The following ZNF18 variants were observed in gnomAD, a reference collection of about 807,000 sequenced individuals.
The protein encoded by ZNF18 is zinc finger protein 18.
In ZNF18, 42 loss-of-function variants were observed where a neutral mutation model predicts 58.1. The ratio of observed to expected loss-of-function variants is 0.72; its 90% CI spans 0.56 to 0.93. The LOEUF (loss-of-function observed/expected upper bound fraction) is 0.93. Ranked by LOEUF, ZNF18 falls within the 40% of genes least tolerant of loss-of-function variation. ZNF18 has a pLI of 0.00. For synonymous variants in ZNF18, 231 were observed against 239.8 expected (o/e 0.96, Z 0.34); for missense variants, 540 against 644.2 (o/e 0.84, Z 1.75).
chr17:11,992,493 C>T lies in ZNF18; in HGVS notation c.337G>A (p.Val113Met), dbSNP rs761910327. Residue 113 changes from valine to methionine, a missense_variant, in exon 2 of 7, where the codon GTG (valine) becomes ATG (methionine). Transcript: ENST00000580306. ...CCCTTCAAGCTTTCCACAAGGGTCACTGCCTCTTCTCCACTTCCTGGACAC... is the reference window on the plus strand; with the variant it reads ...CCCTTCAAGCTTTCCACAAGGGTCATTGCCTCTTCTCCACTTCCTGGACAC... ...KQCPGSGEEAVTLVESLKGDP... is the reference protein window; with the variant it reads ...KQCPGSGEEAMTLVESLKGDP... The T allele has an allele frequency of 6.2e-7, 1 of 1,614,238 alleles. No homozygotes were observed. Among genetic ancestry groups the T allele is most frequent in the Non-Finnish European group, 8.5e-7 (1 of 1,180,040 alleles).
At chr17:12,014,941 G>A in the ZNF18 span, among the ~76,000 whole-genome samples, 1 of 151,964 alleles carries the variant, frequency 6.6e-6, no homozygotes, top group South Asian at 2.1e-4. Context: ...CCAGCTACTC[G>A]GGAGGCTGAT....
chr17:11,983,170 A>G, intron 6 of ZNF18, 127 bp downstream of exon 6: 2 of 649,202 alleles, frequency 3.1e-6, no homozygotes, highest in African/African-American at 1.8e-5. Context: ...CAATCAGATC[A>G]TGGCTAGTTA....
chr17:12,005,738 T>C, the ZNF18 span, among the ~76,000 whole-genome samples: 2 of 152,192 alleles, frequency 1.3e-5, no homozygotes, highest in African/African-American at 4.8e-5. Flanking sequence ...CTTTATTCAA[T>C]AAATAAGATA....
In ZNF18 at chr17:11,992,456, C is replaced by T; in HGVS notation, c.374G>A (p.Arg125Lys). ...CCCTCTGCTTACCCATTGCCACAGT[C>T]TCTGGGGGTCCCCCTTCAAGCTTTC... ...LVESLKGDPQ[R>K]LWQWISIQVL... Residue 125 changes from arginine (R) to lysine (K), a missense_variant, in exon 2 of 7, where the codon AGA becomes AAA. Physicochemically the swap from Arg to Lys is conservative, Grantham distance 26 (BLOSUM62 2). Transcript: ENST00000580306. 6.2e-7 allele frequency: 1 copy of T among 1,613,968 alleles called. No homozygotes were observed. The highest frequency in any genetic ancestry group is 8.5e-7 in the Non-Finnish European group (1 of 1,179,894).
chr17:12,019,309 T>C, the ZNF18 span, among the ~76,000 whole-genome samples: 1 of 149,466 alleles, frequency 6.7e-6, no homozygotes, highest in Non-Finnish European at 1.5e-5. Context: ...TGTGTGTGTG[T>C]GTGTGTGTGT....
chr17:12,020,997 G>T, the ZNF18 span: 2 of 1,210,048 alleles, frequency 1.7e-6, no homozygotes, highest in Non-Finnish European at 2.1e-6. Context: ...TCAGCAGCAT[G>T]CAGGGTAAGG....
chr17:12,004,451 A>G, the ZNF18 span, among the ~76,000 whole-genome samples: 10 of 152,356 alleles, frequency 6.6e-5, no homozygotes, highest in Admixed American at 6.5e-4. Context: ...ATGCAGGCAC[A>G]TGTAAACAGC....
At chr17:12,016,309 T>A in the ZNF18 span, among the ~76,000 whole-genome samples, 2 of 152,226 alleles carry the variant, frequency 1.3e-5, no homozygotes, top group Middle Eastern at 3.4e-3. Context: ...TGTTTATTTC[T>A]TTTTATTATT....
intron 4 of ZNF18, among the ~76,000 whole-genome samples, chr17:11,986,440 A>G (rs1967746807): frequency 1.3e-5 from 2 of 152,234 alleles, no homozygotes; most frequent in African/African-American, 4.8e-5. Context: ...GTGCTAAGCC[A>G]AACACACAAA....
upstream of ZNF18, among the ~76,000 whole-genome samples, chr17:12,001,697 T>C (rs1179469704): frequency 1.3e-5 from 2 of 152,038 alleles, no homozygotes; most frequent in African/African-American, 4.8e-5. Context: ...AGATCTTAAA[T>C]GTTCTCACCA....
upstream of ZNF18, chr17:11,998,514 TACCTGTCATTATCATAACATGTCCTG>T (rs1567612253): frequency 7.3e-5 from 11 of 151,482 alleles, no homozygotes; most frequent in East Asian, 2.2e-3. Flanking sequence ...ACATGTCCTG[TACCTGTCATTATCATAACATGTCCTG>T]TACCTGTCAT....
chr17:11,986,548 AT>A (rs1403687001), intron 4 of ZNF18, among the ~76,000 whole-genome samples: 2 of 152,238 alleles, frequency 1.3e-5, no homozygotes, highest in African/African-American at 4.8e-5. Flanking sequence ...CTATAACCAC[AT>A]TTTTAATGTG....
chr17:12,014,873 A>T, the ZNF18 span, among the ~76,000 whole-genome samples: 1 of 152,034 alleles, frequency 6.6e-6, no homozygotes, highest in Non-Finnish European at 1.5e-5. Context: ...ACACGGTGAA[A>T]CCGTCTCTAC....
Position 11,978,454 on chromosome 17 carries a change from T to G in ZNF18, c.1153A>C (p.Met385Leu). ...GTCTCTCTCTTCTCCTCAAGCCACATGGTGGACATTTCTCCTGAATGAGGA... is the reference window on the plus strand; with the variant it reads ...GTCTCTCTCTTCTCCTCAAGCCACAGGGTGGACATTTCTCCTGAATGAGGA... Reference protein sequence around the residue: ...PNPHSGEMSTMWLEEKRETSQ... With the variant: ...PNPHSGEMSTLWLEEKRETSQ... The change falls in exon 7 of 7, where the codon ATG becomes CTG. Residue 385 changes from methionine to leucine, a missense_variant. Met to Leu is a conservative substitution (Grantham distance 15). Transcript: ENST00000580306. 1.3e-6 allele frequency: 2 copies of G among 1,575,328 alleles called. No individual in the cohort carries two copies. The highest frequency in any genetic ancestry group is 1.7e-6 in the Non-Finnish European group (2 of 1,162,344).
At chr17:11,987,817 A>G (rs879501545) in intron 4 of ZNF18, among the ~76,000 whole-genome samples, 1 of 152,156 alleles carries the variant, frequency 6.6e-6, no homozygotes, top group Non-Finnish European at 1.5e-5. Context: ...TTGATTCACT[A>G]AAAAGATATT....
chr17:12,020,557 T>C, the ZNF18 span, among the ~76,000 whole-genome samples: 3 of 152,178 alleles, frequency 2.0e-5, no homozygotes, highest in Non-Finnish European at 4.4e-5. Context: ...CAGACCTCCA[T>C]GGGAATGATG....
chr17:12,000,435 G>A (rs554224455), upstream of ZNF18, among the ~76,000 whole-genome samples: 45 of 152,298 alleles, frequency 3.0e-4, no homozygotes, highest in Admixed American at 1.8e-3. Flanking sequence ...ATTGCTGGGT[G>A]TGGTGGTTCA....
At chr17:12,013,007 A>G in the ZNF18 span, among the ~76,000 whole-genome samples, 2 of 150,924 alleles carry the variant, frequency 1.3e-5, no homozygotes, top group African/African-American at 4.9e-5. Context: ...GCTGGAGTGC[A>G]GTGGCGCGAT....
the ZNF18 span, chr17:12,010,930 G>C: frequency 1.7e-6 from 1 of 589,180 alleles, no homozygotes; most frequent in Admixed American, 2.3e-5. Flanking sequence ...GGCTCTTCAC[G>C]TGCTTAACAT....
Sources: gnomAD v4.1 joint callset for allele counts (sites outside exome capture counted in the v4.1 genomes callset) on GRCh38, gnomAD v4.1.1 for gene constraint, MANE v1.5 for transcripts, NCBI Gene and HGNC (gene_info 2026-07-23, HGNC 2026-07-21) for gene names.